TANC2: variants seen among roughly 807,000 people sequenced by gnomAD.
TANC2 encodes protein TANC2.
A neutral mutation model predicts 210.5 loss-of-function variants in TANC2; 26 were observed. The ratio of observed to expected loss-of-function variants is 0.12; its 90% CI spans 0.09 to 0.17. The LOEUF is 0.17. Among genes scored for constraint, TANC2 ranks in the 10% least tolerant of loss-of-function variants. The pLI is 1.00. For synonymous variants in TANC2, 931 were observed against 967.1 expected (o/e 0.96, Z 0.69); for missense variants, 2,129 against 2,608.9 (o/e 0.82, Z 4.01).
At chr17:63,330,562 A>G (rs948082084) in intron 11 of TANC2, among the ~76,000 whole-genome samples, 2 of 152,242 alleles carry the variant, frequency 1.3e-5, no homozygotes, top group Non-Finnish European at 2.9e-5. Flanking sequence ...TTTGATTTGC[A>G]GCACCTGACT....
At chr17:63,427,013 C>A (rs1221709613) in exon 28 of TANC2, 1 of 152,210 alleles carries the variant, frequency 6.6e-6, no homozygotes, top group African/African-American at 2.4e-5. Flanking sequence ...GGCTCCAGAT[C>A]TCCACTTCAT....
At chr17:63,119,831 A>G (rs565280808) in intron 4 of TANC2, among the ~76,000 whole-genome samples, 13 of 152,288 alleles carry the variant, frequency 8.5e-5, no homozygotes, top group Admixed American at 3.9e-4. Context: ...CCTGGGCAGC[A>G]CAAGGAGACC....
At chr17:63,017,072 T>A (rs2034141647) in intron 2 of TANC2, among the ~76,000 whole-genome samples, 1 of 152,232 alleles carries the variant, frequency 6.6e-6, no homozygotes, top group Non-Finnish European at 1.5e-5. Context: ...CTCTTACATT[T>A]AGGTTGTTGA....
At chr17:63,215,765 T>G (rs77331829) in intron 7 of TANC2, among the ~76,000 whole-genome samples, 9 of 152,050 alleles carry the variant, frequency 5.9e-5, no homozygotes, top group African/African-American at 1.9e-4. Context: ...ATTTTTTTTT[T>G]CTGAGACGGA....
chr17:62,970,711 G>C (rs903550846), intron 1 of TANC2, among the ~76,000 whole-genome samples: 4 of 152,128 alleles, frequency 2.6e-5, no homozygotes, highest in African/African-American at 9.7e-5. Context: ...TTTTACAGTA[G>C]AATTAAAATG....
At chr17:63,038,123 T>A (rs890037716) in intron 2 of TANC2, among the ~76,000 whole-genome samples, 3 of 152,178 alleles carry the variant, frequency 2.0e-5, no homozygotes, top group Admixed American at 2.0e-4. Flanking sequence ...GGGGGAAACA[T>A]TGCTTTTCAC....
chr17:63,087,163 A>G (rs1474369264), intron 3 of TANC2, among the ~76,000 whole-genome samples: 1 of 152,206 alleles, frequency 6.6e-6, no homozygotes, highest in Non-Finnish European at 1.5e-5. Flanking sequence ...ATCCGGACAC[A>G]CTGTAACTGG....
chr17:63,324,970 A>G (rs527696294), intron 11 of TANC2, among the ~76,000 whole-genome samples: 10 of 150,374 alleles, frequency 6.7e-5, no homozygotes, highest in African/African-American at 1.5e-4. Context: ...ATGAAATCCA[A>G]ACTCCCTTCT....
chr17:63,374,648 A>G (rs183331576), intron 14 of TANC2, among the ~76,000 whole-genome samples: 23 of 152,296 alleles, frequency 1.5e-4, no homozygotes, highest in African/African-American at 5.3e-4. Flanking sequence ...TAAACAGGAA[A>G]GAGAATTCCA....
At chr17:63,171,980 C>T (rs1285525178) in intron 5 of TANC2, among the ~76,000 whole-genome samples, 1 of 152,160 alleles carries the variant, frequency 6.6e-6, no homozygotes, top group Non-Finnish European at 1.5e-5. Flanking sequence ...ATGCTGTTTT[C>T]TGGTTCCTTA....
chr17:63,028,799 A>G (rs185459797), intron 2 of TANC2, among the ~76,000 whole-genome samples: 1 of 152,220 alleles, frequency 6.6e-6, no homozygotes, highest in African/African-American at 2.4e-5. Flanking sequence ...ATGGCTCAAT[A>G]ACTTTCTACT....
intron 9 of TANC2, among the ~76,000 whole-genome samples, chr17:63,299,434 A>G (rs935986344): frequency 4.7e-5 from 7 of 150,250 alleles, no homozygotes; most frequent in African/African-American, 9.8e-5. Context: ...ACCAGCATCT[A>G]TTGTTTATTG....
At chr17:63,070,122 A>G (rs968406964) in intron 2 of TANC2, among the ~76,000 whole-genome samples, 1 of 152,248 alleles carries the variant, frequency 6.6e-6, no homozygotes, top group African/African-American at 2.4e-5. Context: ...GAAATTATGT[A>G]CACATTAGTT....
At chr17:63,191,734 A>G (rs1443387003) in intron 5 of TANC2, among the ~76,000 whole-genome samples, 1 of 152,108 alleles carries the variant, frequency 6.6e-6, no homozygotes, top group African/African-American at 2.4e-5. Flanking sequence ...AAGTGCTGGG[A>G]TTTCAAGCAT....
chr17:62,978,379 T>C (rs2032134422), intron 1 of TANC2: 1 of 152,314 alleles, frequency 6.6e-6, no homozygotes, highest in South Asian at 2.1e-4. Flanking sequence ...CAAAATAGCA[T>C]AGGGAGATGC....
In TANC2 at chr17:63,418,294, A is replaced by G. The variant is rs1255061449; in HGVS notation, c.4168-13A>G. 6.2e-7 allele frequency: 1 copy of G among 1,610,710 alleles called. No individual in the cohort carries two copies. Among genetic ancestry groups the G allele is most frequent in the Non-Finnish European group, 8.5e-7 (1 of 1,178,076 alleles). On this transcript the variant is annotated splice_polypyrimidine_tract_variant and intron_variant, in intron 26 of 27. Transcript: ENST00000689528. This position sits in a 1 kb window ranked among gnomAD's most constrained non-coding sequence, Gnocchi z 4.6. ...TCATCAATGACTCATTTGCACACCT[A>G]TTGTAATGACAGGATTTTGGAATGG...
At chr17:63,032,863 C>A (rs2034827540) in intron 2 of TANC2, among the ~76,000 whole-genome samples, 1 of 152,132 alleles carries the variant, frequency 6.6e-6, no homozygotes, top group African/African-American at 2.4e-5. Flanking sequence ...ACTAGTCCCA[C>A]AAGACGCCCC....
chr17:62,984,299 C>T (rs1428962906), intron 1 of TANC2, among the ~76,000 whole-genome samples: 7 of 151,860 alleles, frequency 4.6e-5, no homozygotes, highest in Admixed American at 2.0e-4. Context: ...TTTGTATTTC[C>T]GTGGTATCCA....
intron 7 of TANC2, among the ~76,000 whole-genome samples, chr17:63,220,149 G>A (rs79944858): frequency 2.0e-5 from 3 of 150,210 alleles, no homozygotes; most frequent in African/African-American, 7.4e-5. Context: ...ACAAAAATTA[G>A]TGGGGCATGG....
Sources: allele counts gnomAD v4.1 joint callset (sites outside exome capture counted in the v4.1 genomes callset), GRCh38; gene constraint gnomAD v4.1.1; non-coding constraint Gnocchi (gnomAD v3.1); transcripts MANE v1.5; gene names NCBI Gene and HGNC (gene_info 2026-07-23, HGNC 2026-07-21).